PIK3C2A: variants seen among roughly 807,000 people sequenced by gnomAD.
PIK3C2A encodes the protein phosphatidylinositol 4-phosphate 3-kinase C2 domain-containing subunit alpha.
In PIK3C2A, 97 loss-of-function variants were observed where a neutral mutation model predicts 204.5. The ratio of observed to expected loss-of-function variants is 0.47; its 90% CI spans 0.40 to 0.56. PIK3C2A has a LOEUF of 0.56. Ranked by LOEUF, PIK3C2A falls within the 20% of genes least tolerant of loss-of-function variation. PIK3C2A has a pLI of 0.00. For missense variants in PIK3C2A, 1,735 were observed against 1,969.2 expected (o/e 0.88, Z 2.25); for synonymous variants, 653 against 664.4 (o/e 0.98, Z 0.26).
chr11:17,146,264 T>C (rs61762006), intron 6 of PIK3C2A, among the ~76,000 whole-genome samples: 3 of 152,320 alleles, frequency 2.0e-5, no homozygotes, highest in Non-Finnish European at 2.9e-5. Flanking sequence ...TAAAGATGGC[T>C]GATAGCCAAA....
rs1173421148 is a variant in PIK3C2A at position 17,169,067 on chromosome 11, T to G, written c.675A>C (p.Lys225Asn). The G allele has an allele frequency of 6.2e-7, 1 of 1,614,180 alleles. No homozygotes were observed. The highest frequency in any genetic ancestry group is 1.7e-5 in the Admixed American group (1 of 60,018). Reference protein sequence around the residue: ...YRPVVSTDMAKLFDKIASTSE... With the variant: ...YRPVVSTDMANLFDKIASTSE... ...ATGTACTAGCTATTTTGTCAAATAG[T>G]TTTGCCATGTCAGTACTGACTACTG... The change falls in exon 2 of 33, where the codon AAA (lysine) becomes AAC (asparagine). Residue 225 changes from lysine to asparagine, a missense_variant. Transcript: ENST00000691414.
rs765854394 is a variant in PIK3C2A, at chr11:17,135,040, GA to G, written c.1898-12del. The stretch of plus-strand genomic sequence containing the variant: ...CAGGATTAAGTGAGCCTAGATTAAA[GA>G]AAAAAAAAGTTAATAGATTCTCTGA... On this transcript the variant is annotated splice_polypyrimidine_tract_variant and intron_variant, in intron 10 of 32. Coordinates refer to ENST00000691414, the MANE Select transcript of PIK3C2A (RefSeq NM_002645.4). The G allele has an allele frequency of 6.2e-6, 10 of 1,602,956 alleles. No homozygotes were observed. The African/African-American group carries it at 6.8e-5, about 11-fold the overall frequency.
Position 17,135,031 on chromosome 11 carries a change from T to A in PIK3C2A, c.1898-2A>T, listed in dbSNP as rs779332826. 6.2e-7 allele frequency: 1 copy of A among 1,613,146 alleles called. No homozygotes were observed. Reference sequence around the variant, plus strand: ...CAGGATTTTCAGGATTAAGTGAGCCTAGATTAAAGAAAAAAAAAGTTAATA... The same window carrying A: ...CAGGATTTTCAGGATTAAGTGAGCCAAGATTAAAGAAAAAAAAAGTTAATA... On this transcript the variant is annotated splice_acceptor_variant, in intron 10 of 32. Transcript: ENST00000691414. LOFTEE classifies it high-confidence loss of function.
In PIK3C2A at chr11:17,115,373, A is replaced by G. The variant is rs963662013; in HGVS notation, c.3217-908T>C. On this transcript the variant is annotated intron_variant, in intron 19 of 32. Transcript: ENST00000691414. ...CATGGCAAAACCCTGTCCCTACAAG[A>G]AAAAAAAAAAAAAAAAAAAAAGACA... Among the ~76,000 whole-genome samples the G allele has an allele frequency of 4.8e-3, 8 of 1,650 alleles. No individual in the cohort carries two copies. The Non-Finnish European group carries it at 0.11, about 22-fold the overall frequency. The allele number at this position is 1,650 out of a possible 152,430, so 1.1% of individuals were successfully genotyped here.
intron 8 of PIK3C2A, among the ~76,000 whole-genome samples, chr11:17,142,593 T>C (rs766345482): frequency 1.2e-4 from 19 of 152,118 alleles, no homozygotes; most frequent in Admixed American, 2.0e-4. Context: ...AGCAAGATGA[T>C]TGTTTGAGCC....
intron 27 of PIK3C2A, among the ~76,000 whole-genome samples, chr11:17,096,304 C>T (rs565721935): frequency 1.1e-3 from 160 of 152,264 alleles, no homozygotes; most frequent in African/African-American, 3.7e-3. Context: ...TCCCAAAGTG[C>T]TGGGATTATA....
rs947332357 is a variant in PIK3C2A, at chr11:17,097,410, G to A, written c.4119-146C>T. 1.4e-4 allele frequency: 88 copies of A among 614,502 alleles called. 1 individual carries two copies. The highest frequency in any genetic ancestry group is 5.4e-4 in the South Asian group (27 of 49,578). The allele number at this position is 614,502 out of a possible 1,614,324, so 38.1% of individuals were successfully genotyped here. On this transcript the variant is annotated intron_variant, in intron 26 of 32. Transcript: ENST00000691414. ...GCCAAGGATTCCCTTTGTTCTACAG[G>A]CCAAAGGTTTGTTAAAACACATCTC...
At chr11:17,120,009 GATAAC>G (rs1849322670) in intron 15 of PIK3C2A, 35 bp from the exon 16 acceptor site, 3 of 922,838 alleles carry the variant, frequency 3.3e-6, no homozygotes, top group Non-Finnish European at 4.9e-6. Flanking sequence ...ACTTCTCAGT[GATAAC>G]ATAATGATAT....
rs190880034 is a variant in PIK3C2A at position 17,167,873 on chromosome 11, C to T, written c.1065+804G>A. On this transcript the variant is annotated intron_variant, in intron 2 of 32. Coordinates refer to ENST00000691414, the MANE Select transcript of PIK3C2A (RefSeq NM_002645.4). Reference sequence around the variant, plus strand: ...GTAATATTTCATTCTTCACTTTTATCGACAAAAGTGTTTAAAGGGAGAGTC... The same window carrying T: ...GTAATATTTCATTCTTCACTTTTATTGACAAAAGTGTTTAAAGGGAGAGTC... 1.2e-4 allele frequency among the ~76,000 whole-genome samples: 18 copies of T among 152,140 alleles called. No individual in the cohort carries two copies. The East Asian group carries it at 3.5e-3, about 29-fold the overall frequency.
intron 1 of PIK3C2A, among the ~76,000 whole-genome samples, chr11:17,193,203 A>C (rs919397305): frequency 2.6e-5 from 4 of 152,182 alleles, no homozygotes; most frequent in Non-Finnish European, 5.9e-5. Flanking sequence ...AAATAAATTT[A>C]TTTTCTTTAT....
chr11:17,178,768 G>A (rs1475552081), intron 1 of PIK3C2A, among the ~76,000 whole-genome samples: 8 of 143,604 alleles, frequency 5.6e-5, no homozygotes, highest in African/African-American at 1.6e-4. Context: ...TGTCGCCCAG[G>A]CCGGACTGCG....
chr11:17,119,844 A>C lies in PIK3C2A; in HGVS notation c.2788T>G (p.Leu930Val). 6.2e-7 allele frequency: 1 copy of C among 1,609,722 alleles called. No individual in the cohort carries two copies. The highest frequency in any genetic ancestry group is 1.1e-5 in the South Asian group (1 of 90,282). Residue 930 changes from leucine to valine, a missense_variant, in exon 16 of 33, where the codon TTG (leucine) becomes GTG (valine). Coordinates refer to ENST00000691414, the MANE Select transcript of PIK3C2A (RefSeq NM_002645.4). ...TACAATGCAGGCCACTGGTGAAGCAATGAGTAAGTTTTGGCAAGATTAACC... is the reference window on the plus strand; with the variant it reads ...TACAATGCAGGCCACTGGTGAAGCACTGAGTAAGTTTTGGCAAGATTAACC... ...KWVNLAKTYS[L>V]LHQWPALYPL...
At position 17,089,075 on chromosome 11, in the gene PIK3C2A, G is replaced by GA. The variant is rs373318015; in HGVS notation, c.*662dup. The GA allele has an allele frequency of 6.6e-5, 10 of 152,050 alleles. No individual in the cohort carries two copies. Among genetic ancestry groups the GA allele is most frequent in the Admixed American group, 1.3e-4 (2 of 15,266 alleles). 9.4% of individuals were successfully genotyped at this position (152,050 alleles called of 1,614,324 possible). ...ATGTACTAATTATTTATCAAATCAG[G>GA]AAAAAAATCAGAAACGAAGTGCCAG... On this transcript the variant is annotated 3_prime_UTR_variant, in exon 33 of 33. Coordinates refer to ENST00000691414, the MANE Select transcript of PIK3C2A (RefSeq NM_002645.4).
At chr11:17,140,814 A>G (rs1850039485) in intron 8 of PIK3C2A, among the ~76,000 whole-genome samples, 1 of 152,232 alleles carries the variant, frequency 6.6e-6, no homozygotes. Flanking sequence ...TATAAATTAT[A>G]CCTCAATAAA....
At chr11:17,207,677 G>T (rs1031106745) in intron 1 of PIK3C2A, among the ~76,000 whole-genome samples, 171 bp downstream of exon 1, 2 of 152,128 alleles carry the variant, frequency 1.3e-5, no homozygotes, top group Non-Finnish European at 2.9e-5. Flanking sequence ...AGGGAGGGGG[G>T]AGTCGGGCTG....
chr11:17,103,836 A>G (rs1184768289), intron 23 of PIK3C2A, among the ~76,000 whole-genome samples: 1 of 152,218 alleles, frequency 6.6e-6, no homozygotes, highest in Non-Finnish European at 1.5e-5. Flanking sequence ...TAAAAAGCCA[A>G]ATTCATAAAA....
intron 8 of PIK3C2A, among the ~76,000 whole-genome samples, chr11:17,144,894 CAAAAAAAAA>C (rs35069519): frequency 1.3e-4 from 10 of 78,128 alleles, no homozygotes; most frequent in South Asian, 1.4e-3. Flanking sequence ...GACTCAGCCT[CAAAAAAAAA>C]AAAAAAAAAA....
At chr11:17,091,297 T>C in intron 32 of PIK3C2A, 37 bp downstream of exon 32, 1 of 1,569,784 alleles carries the variant, frequency 6.4e-7, no homozygotes, top group East Asian at 2.2e-5. Context: ...AAAAAAATAA[T>C]AAACCAAGGA....
chr11:17,157,632 C>T (rs1377857090), intron 2 of PIK3C2A, among the ~76,000 whole-genome samples: 1 of 152,064 alleles, frequency 6.6e-6, no homozygotes, highest in Non-Finnish European at 1.5e-5. Context: ...TTCCTAATAT[C>T]TTCATATAGT....
Sources: allele counts gnomAD v4.1 joint callset (sites outside exome capture counted in the v4.1 genomes callset), GRCh38; gene constraint gnomAD v4.1.1; transcripts MANE v1.5; gene names NCBI Gene and HGNC (gene_info 2026-07-23, HGNC 2026-07-21).